Variants in NKAIN3 observed in about 807,000 individuals in gnomAD.
NKAIN3 encodes sodium/potassium transporting ATPase interacting 3.
In NKAIN3, 25 loss-of-function variants were observed where a neutral mutation model predicts 30.2. That is an observed-to-expected ratio of 0.83 (90% CI 0.60 to 1.16). NKAIN3 has a LOEUF of 1.16. NKAIN3 is among the 50% of genes most tolerant of loss of function. The pLI, the probability that NKAIN3 is intolerant of heterozygous loss-of-function variation, is 0.00. For missense variants in NKAIN3, 225 were observed against 254.1 expected, an observed-to-expected ratio of 0.89 and a Z score of 0.78; for synonymous variants, 91 against 89.6, an observed-to-expected ratio of 1.02 and a Z score of -0.09.
In NKAIN3 at chr8:62,755,457, C is replaced by T. The variant is rs193112910; in HGVS notation, c.471+8328C>T. ...TCCTTTCACTCTTGAAAACATCTCT[C>T]AACAGCCTTTCTGATCATTGTTGTT... On this transcript the variant is annotated intron_variant, in intron 4 of 6. Coordinates refer to ENST00000623646, the MANE Select transcript of NKAIN3 (RefSeq NM_001304533.3). Among the ~76,000 whole-genome samples the T allele has an allele frequency of 2.9e-3, 446 of 152,246 alleles. 1 individual carries two copies. The highest frequency in any genetic ancestry group is 0.01 in the African/African-American group (425 of 41,570).
intron 1 of NKAIN3, among the ~76,000 whole-genome samples, chr8:62,363,983 G>A (rs1816646156): frequency 4.6e-5 from 7 of 152,232 alleles, no homozygotes. Flanking sequence ...GTGGAAGGAT[G>A]CAGTGTGCCA....
exon 6 of NKAIN3, chr8:62,999,461 T>A (rs1804204461): frequency 6.6e-6 from 1 of 152,222 alleles, no homozygotes. Context: ...TCCATCCTCA[T>A]GACACAAACA....
chr8:62,303,942 G>A (rs1311746642), intron 1 of NKAIN3, among the ~76,000 whole-genome samples: 1 of 150,414 alleles, frequency 6.6e-6, no homozygotes, highest in Non-Finnish European at 1.5e-5. Context: ...ATCTAATTTC[G>A]ATTTTGAAAA....
chr8:62,688,657 A>G (rs1813866817), intron 3 of NKAIN3, among the ~76,000 whole-genome samples: 1 of 152,128 alleles, frequency 6.6e-6, no homozygotes, highest in Non-Finnish European at 1.5e-5. Context: ...AATTCTACTT[A>G]GTATAAAGAG....
Position 62,749,679 on chromosome 8 carries a change from C to CTTTTTT in NKAIN3, c.471+2565_471+2570dup, listed in dbSNP as rs35908903. ...TATTAGAATTGTGCTTTTTTCTTTT[C>CTTTTTT]TTTTTTTTTTTTTTTTTTTTAAGAC... On this transcript the variant is annotated intron_variant, in intron 4 of 6. Coordinates refer to ENST00000623646, the MANE Select transcript of NKAIN3 (RefSeq NM_001304533.3). Among the ~76,000 whole-genome samples the CTTTTTT allele has an allele frequency of 6.9e-4, 67 of 97,222 alleles. 1 individual carries two copies. The highest frequency in any genetic ancestry group is 9.1e-4 in the Non-Finnish European group (45 of 49,492). The allele number at this position is 97,222 out of a possible 152,430, so 63.8% of individuals were successfully genotyped here.
intron 1 of NKAIN3, among the ~76,000 whole-genome samples, chr8:62,545,908 C>G (rs998151560): frequency 4.6e-5 from 7 of 152,134 alleles, no homozygotes; most frequent in Non-Finnish European, 8.8e-5. Flanking sequence ...GTGTAAGTCA[C>G]AAAAATATAT....
intron 4 of NKAIN3, among the ~76,000 whole-genome samples, chr8:62,826,050 C>G (rs1018546624): frequency 6.6e-6 from 1 of 152,176 alleles, no homozygotes; most frequent in Non-Finnish European, 1.5e-5. Flanking sequence ...CAGGCCTCCT[C>G]CTCCCCTAAT....
At chr8:62,344,901 T>A (rs79664624) in intron 1 of NKAIN3, 7,102 of 405,692 alleles carry the variant, frequency 0.018, 484 homozygotes, top group African/African-American at 0.14. Flanking sequence ...TTTGAGTAGC[T>A]TGGAAATTTT....
rs182296674 is a variant in NKAIN3, at chr8:62,660,994, G to A, written c.273+71200G>A. ...TATAGAATCCACTGCAGAATGGCAG[G>A]GGTTGATACACATGAAGTATTTTTA... On this transcript the variant is annotated intron_variant, in intron 3 of 6. Coordinates refer to ENST00000623646, the MANE Select transcript of NKAIN3 (RefSeq NM_001304533.3). 1.5e-3 allele frequency among the ~76,000 whole-genome samples: 227 copies of A among 152,250 alleles called. 1 individual carries two copies. Among genetic ancestry groups the A allele is most frequent in the African/African-American group, 5.0e-3 (209 of 41,536 alleles).
chr8:62,418,524 T>C (rs1015931047), intron 1 of NKAIN3, among the ~76,000 whole-genome samples: 7 of 152,152 alleles, frequency 4.6e-5, no homozygotes, highest in Admixed American at 2.0e-4. Flanking sequence ...GGGGCTGCAA[T>C]TGATCTTTGC....
chr8:62,980,779 A>G lies in NKAIN3; in HGVS notation c.*15372A>G, dbSNP rs1266927189. The stretch of plus-strand genomic sequence containing the variant: ...TGGAATGTTGGACAATTTGTGTGGC[A>G]TGCTTAGCTTAATTTGTTTCTATGG... On this transcript the variant is annotated 3_prime_UTR_variant, in exon 7 of 7. Coordinates refer to ENST00000623646, the MANE Select transcript of NKAIN3 (RefSeq NM_001304533.3). The G allele has an allele frequency of 6.6e-6, 1 of 152,220 alleles. No homozygotes were observed. The highest frequency in any genetic ancestry group is 1.9e-4 in the East Asian group (1 of 5,200). 9.4% of individuals were successfully genotyped at this position (152,220 alleles called of 1,614,324 possible).
chr8:62,669,239 T>G (rs1394674544), intron 3 of NKAIN3, among the ~76,000 whole-genome samples: 1 of 152,222 alleles, frequency 6.6e-6, no homozygotes, highest in African/African-American at 2.4e-5. Context: ...GAGTTCCCTG[T>G]TCATTTGACC....
At chr8:62,931,638 A>G (rs889595231) in intron 5 of NKAIN3, among the ~76,000 whole-genome samples, 57 of 152,244 alleles carry the variant, frequency 3.7e-4, no homozygotes, top group African/African-American at 1.1e-3. Flanking sequence ...TCTATAGCTT[A>G]CCACTAATGA....
intron 6 of NKAIN3, among the ~76,000 whole-genome samples, chr8:62,964,812 T>TAAA (rs34832994): frequency 1.5e-4 from 23 of 150,814 alleles, no homozygotes; most frequent in South Asian, 1.1e-3. Flanking sequence ...ATAAAAAATT[T>TAAA]AAAAAAAAAC....
At chr8:62,581,038 A>C (rs1335594808) in intron 2 of NKAIN3, among the ~76,000 whole-genome samples, 1 of 150,024 alleles carries the variant, frequency 6.7e-6, no homozygotes, top group Non-Finnish European at 1.5e-5. Flanking sequence ...AGGAGATCAA[A>C]GCTGCAGTAA....
chr8:62,400,915 G>A (rs1803840706), intron 1 of NKAIN3, among the ~76,000 whole-genome samples: 1 of 152,052 alleles, frequency 6.6e-6, no homozygotes, highest in African/African-American at 2.4e-5. Context: ...GGATAAATGT[G>A]CTTCATGTTC....
Position 62,966,104 on chromosome 8 carries a change from G to A in NKAIN3, c.*697G>A, listed in dbSNP as rs539960271. The A allele has an allele frequency of 1.5e-5, 15 of 984,444 alleles. No homozygotes were observed. The Admixed American group carries it at 8.6e-4, about 57-fold the overall frequency. The allele number at this position is 984,444 out of a possible 1,614,324, so 61.0% of individuals were successfully genotyped here. ...GTAGAACCCCTTTCCCCTTTGGAGG[G>A]AATATGGGTGTCTCTGAGGTCCATA... On this transcript the variant is annotated 3_prime_UTR_variant, in exon 7 of 7. Transcript: ENST00000623646.
chr8:62,680,229 G>A (rs1343059366), intron 3 of NKAIN3, among the ~76,000 whole-genome samples: 1 of 152,140 alleles, frequency 6.6e-6, no homozygotes, highest in African/African-American at 2.4e-5. Flanking sequence ...AGCACTAAAC[G>A]AAATGAGCCT....
intron 4 of NKAIN3, among the ~76,000 whole-genome samples, chr8:62,782,837 CAA>C (rs1817394444): frequency 1.3e-5 from 2 of 149,812 alleles, no homozygotes; most frequent in Admixed American, 1.3e-4. Context: ...CTAATGGGTA[CAA>C]AATGCAGTTA....
Sources: gnomAD v4.1 joint callset for allele counts (sites outside exome capture counted in the v4.1 genomes callset) on GRCh38, gnomAD v4.1.1 for gene constraint, MANE v1.5 for transcripts, NCBI Gene and HGNC (gene_info 2026-07-23, HGNC 2026-07-21) for gene names.